PHKA1: variants seen among roughly 807,000 people sequenced by gnomAD.
PHKA1 encodes phosphorylase kinase regulatory subunit alpha 1, also known as phosphorylase b kinase regulatory subunit alpha, skeletal muscle isoform.
A neutral mutation model predicts 110.2 loss-of-function variants in PHKA1; 60 were observed. That is an observed-to-expected ratio of 0.54 (90% CI 0.44 to 0.68). PHKA1 has a LOEUF of 0.68. Ranked by LOEUF, PHKA1 falls within the 30% of genes least tolerant of loss-of-function variation. The pLI is 0.00. For missense variants in PHKA1, 801 were observed against 942.5 expected (o/e 0.85, Z 1.97); for synonymous variants, 316 against 333.6 (o/e 0.95, Z 0.58).
rs1556335918 is a variant in PHKA1 at position 72,713,839 on chromosome X, G to C, written c.42C>G (p.Tyr14Ter). 1 of 1,207,515 alleles carries C rather than the reference G, an allele frequency of 8.3e-7. No individual in the cohort carries two copies. Among genetic ancestry groups the C allele is most frequent in the Non-Finnish European group, 1.1e-6 (1 of 892,579 alleles). ...GGATGGTCTGTTGCACCAGTCGAGC[G>C]TAGCCGTCCAGCCGGACCCCGGAGT... ...RSNSGVRLDG[Y>*]ARLVQQTILC... The change falls in exon 1 of 32, where the codon TAC becomes TAG. Residue 14 changes from tyrosine to a stop codon, truncating the protein, a stop_gained. Transcript: ENST00000373542. LOFTEE classifies it high-confidence loss of function.
chrX:72,683,763 G>A (rs1556317879), intron 5 of PHKA1, among the ~76,000 whole-genome samples: 1 of 112,072 alleles, frequency 8.9e-6, no homozygotes, highest in Admixed American at 9.4e-5. Context: ...TAAGCATAAT[G>A]CCTTTGAGAT....
At chrX:72,639,272 G>A (rs1284156067) in intron 14 of PHKA1, among the ~76,000 whole-genome samples, 2 of 111,790 alleles carry the variant, frequency 1.8e-5, no homozygotes, top group Non-Finnish European at 3.8e-5. Context: ...AGTGGTTCAC[G>A]CCTGTAATTC....
intron 29 of PHKA1, among the ~76,000 whole-genome samples, chrX:72,589,526 G>T (rs1869273517): frequency 8.9e-6 from 1 of 111,778 alleles, no homozygotes; most frequent in South Asian, 3.8e-4. Flanking sequence ...ACAAGACAGG[G>T]ATGCCCTCTC....
rs1450952348 is a variant in PHKA1 at position 72,656,318 on chromosome X, G to A, written c.919-76C>T. 1.2e-5 allele frequency: 13 copies of A among 1,046,451 alleles called. No homozygotes were observed. In the Admixed American group the frequency reaches 1.3e-4, roughly 11 times the overall value. The allele number at this position is 1,046,451 out of a possible 1,213,427, so 86.2% of individuals were successfully genotyped here. A position where few individuals can be genotyped will look rare whatever the true frequency, so the allele number is the denominator to read the frequency against. On this transcript the variant is annotated intron_variant, in intron 9 of 31. Coordinates refer to ENST00000373542, the MANE Select transcript of PHKA1 (RefSeq NM_002637.4). ...CTTTAGCTCAGAGGTATTATAATAC[G>A]GGTTTTCATTACTGATTGTTTTAGA... is the stretch of plus-strand genomic sequence containing the variant.
At chrX:72,587,796 A>G (rs1052078652) in intron 29 of PHKA1, among the ~76,000 whole-genome samples, 1 of 111,679 alleles carries the variant, frequency 9.0e-6, no homozygotes, top group African/African-American at 3.3e-5. Flanking sequence ...AGTCTCTGAT[A>G]AAACAGACTT....
chrX:72,711,802 C>G (rs1280832678), intron 2 of PHKA1, among the ~76,000 whole-genome samples: 1 of 110,683 alleles, frequency 9.0e-6, no homozygotes, highest in Non-Finnish European at 1.9e-5. Context: ...GGAGCAAAAA[C>G]TTGAATAATT....
intron 8 of PHKA1, 57 bp from the exon 9 acceptor site, chrX:72,657,698 A>T: frequency 1.1e-6 from 1 of 925,889 alleles, no homozygotes; most frequent in Non-Finnish European, 1.6e-6. Flanking sequence ...CCATGTAATT[A>T]ATCAGAAATA....
At chrX:72,631,317 A>C (rs1003330041) in intron 16 of PHKA1, among the ~76,000 whole-genome samples, 20 of 111,655 alleles carry the variant, frequency 1.8e-4, no homozygotes, top group African/African-American at 6.5e-4. Context: ...GATCACTGAC[A>C]CCACACTGGC....
At chrX:72,607,315 G>C (rs1384717819) in intron 23 of PHKA1, among the ~76,000 whole-genome samples, 1 of 111,503 alleles carries the variant, frequency 9.0e-6, no homozygotes, top group Non-Finnish European at 1.9e-5. Flanking sequence ...CTTCATAGTA[G>C]TTGTACTAAT....
chrX:72,634,997 G>A (rs924420141), intron 16 of PHKA1, among the ~76,000 whole-genome samples, 158 bp downstream of exon 16: 7 of 112,596 alleles, frequency 6.2e-5, no homozygotes, highest in Admixed American at 9.4e-5. Context: ...TGTGTCCCCA[G>A]TGCTTAGAAA....
At chrX:72,630,885 T>G (rs782565080) in intron 16 of PHKA1, among the ~76,000 whole-genome samples, 1 of 111,170 alleles carries the variant, frequency 9.0e-6, no homozygotes, top group Admixed American at 9.6e-5. Context: ...TTTCTCCTCT[T>G]TCTGAAACTT....
At chrX:72,602,851 A>C (rs1378929255) in intron 26 of PHKA1, among the ~76,000 whole-genome samples, 2 of 112,250 alleles carry the variant, frequency 1.8e-5, no homozygotes, top group East Asian at 5.6e-4. Context: ...GTTGTCCTAA[A>C]GTGGAGGCTT....
chrX:72,654,890 C>T (rs922037151), intron 10 of PHKA1, among the ~76,000 whole-genome samples: 6 of 105,051 alleles, frequency 5.7e-5, no homozygotes, highest in Admixed American at 9.9e-5. Context: ...CTCCGCCTCC[C>T]GGGTTCACGC....
chrX:72,594,694 T>C (rs1404421156), intron 28 of PHKA1, among the ~76,000 whole-genome samples: 4 of 112,719 alleles, frequency 3.5e-5, no homozygotes, highest in African/African-American at 1.3e-4. Context: ...CTTGTGCCTG[T>C]ATTCCCAGCT....
At chrX:72,689,233 GCA>G (rs1256146325) in intron 4 of PHKA1, among the ~76,000 whole-genome samples, 1 of 111,879 alleles carries the variant, frequency 8.9e-6, no homozygotes, top group Non-Finnish European at 1.9e-5. Context: ...TTTAGTGTAT[GCA>G]CAGTTATGCG....
rs16988468 is a variant in PHKA1 at position 72,584,590 on chromosome X, A to C, written c.3244-288T>G. Among the ~76,000 whole-genome samples, 2,341 of 111,512 alleles carry C rather than the reference A, an allele frequency of 0.021. 67 individuals carry two copies. Among genetic ancestry groups the C allele is most frequent in the African/African-American group, 0.071 (2,163 of 30,609 alleles). ...TATCTTTTGGGATAGACTAGTCCCA[A>C]ATATTCAGAGACTATCTGGAAAGAT... is the stretch of plus-strand genomic sequence containing the variant. On this transcript the variant is annotated intron_variant, in intron 29 of 31. Transcript: ENST00000373542.
chrX:72,649,606 G>C (rs1211702099), intron 13 of PHKA1, among the ~76,000 whole-genome samples: 2 of 111,760 alleles, frequency 1.8e-5, no homozygotes, highest in Non-Finnish European at 3.8e-5. Flanking sequence ...ATTCTCCAAA[G>C]AGGTAATAGT....
chrX:72,604,097 T>C (rs1295081521), intron 25 of PHKA1, among the ~76,000 whole-genome samples: 3 of 109,765 alleles, frequency 2.7e-5, no homozygotes, highest in Non-Finnish European at 5.7e-5. Context: ...GAAAAGTGAA[T>C]ATTCAGGGGC....
intron 28 of PHKA1, among the ~76,000 whole-genome samples, chrX:72,600,874 A>G (rs1556241774): frequency 9.0e-6 from 1 of 111,604 alleles, no homozygotes; most frequent in Non-Finnish European, 1.9e-5. Context: ...AACGAAAACT[A>G]AAAACAAAAC....
Sources: allele counts gnomAD v4.1 joint callset (sites outside exome capture counted in the v4.1 genomes callset), GRCh38; gene constraint gnomAD v4.1.1; transcripts MANE v1.5; gene names NCBI Gene and HGNC (gene_info 2026-07-23, HGNC 2026-07-21).